The following SMG6 variants were observed in gnomAD, a reference collection of about 807,000 sequenced individuals.
The protein encoded by SMG6 is SMG6 nonsense mediated mRNA decay factor.
Under a neutral mutation model 142.2 loss-of-function variants are expected in SMG6, and 66 were observed. The ratio of observed to expected loss-of-function variants is 0.46; its 90% confidence interval spans 0.38 to 0.57. The LOEUF is 0.57. Ranked by LOEUF, SMG6 falls within the 20% of genes least tolerant of loss-of-function variation. SMG6 has a pLI of 0.00. For synonymous variants in SMG6, 779 were observed against 702.4 expected (o/e 1.11, Z -1.72); for missense variants, 1,793 against 1,832.0 (o/e 0.98, Z 0.39).
intron 13 of SMG6, among the ~76,000 whole-genome samples, chr17:2,105,406 C>T (rs1207137897): frequency 2.0e-5 from 3 of 152,006 alleles, no homozygotes; most frequent in South Asian, 2.1e-4. Flanking sequence ...ATTAGCCGGG[C>T]GTGGTGGCAG....
intron 8 of SMG6, among the ~76,000 whole-genome samples, chr17:2,272,132 G>A (rs1470382427): frequency 6.6e-6 from 1 of 152,210 alleles, no homozygotes; most frequent in Non-Finnish European, 1.5e-5. Flanking sequence ...GGCTCTGGCA[G>A]AAGGCTCAGC....
Position 2,297,364 on chromosome 17 carries a change from A to T in SMG6, c.2041-11T>A, listed in dbSNP as rs528816137. The T allele has an allele frequency of 1.3e-6, 2 of 1,582,550 alleles. No homozygotes were observed. The highest frequency in any genetic ancestry group is 2.3e-5 in the South Asian group (2 of 87,136). On this transcript the variant is annotated splice_polypyrimidine_tract_variant and intron_variant, in intron 3 of 18. Coordinates refer to ENST00000263073, the MANE Select transcript of SMG6 (RefSeq NM_017575.5). Reference sequence around the variant, plus strand: ...AAAGAAGTCACTACCCTATAAAAAGAAAAAAAGAAATGACTGAATCAATCT... The same window carrying T: ...AAAGAAGTCACTACCCTATAAAAAGTAAAAAAGAAATGACTGAATCAATCT...
intron 13 of SMG6, among the ~76,000 whole-genome samples, chr17:2,149,214 G>T (rs1382100558): frequency 1.3e-5 from 2 of 151,788 alleles, no homozygotes; most frequent in African/African-American, 4.8e-5. Flanking sequence ...GCCGGGCGTG[G>T]TGGCACATGC....
At chr17:2,223,216 G>A (rs1294061764) in intron 10 of SMG6, among the ~76,000 whole-genome samples, 1 of 152,220 alleles carries the variant, frequency 6.6e-6, no homozygotes, top group Non-Finnish European at 1.5e-5. Flanking sequence ...CCTTGCCTCA[G>A]AAGCCAAAGT....
At chr17:2,129,849 T>G (rs1262622045) in intron 13 of SMG6, among the ~76,000 whole-genome samples, 3 of 141,768 alleles carry the variant, frequency 2.1e-5, no homozygotes, top group Admixed American at 7.1e-5. Context: ...GATTTAATAA[T>G]GTAACTTTAG....
intron 4 of SMG6, among the ~76,000 whole-genome samples, chr17:2,294,215 T>C (rs1287662523): frequency 6.6e-6 from 1 of 152,174 alleles, no homozygotes; most frequent in Non-Finnish European, 1.5e-5. Context: ...AATGACTACA[T>C]ATCACATACC....
At chr17:2,278,916 G>A (rs1246008342) in intron 8 of SMG6, among the ~76,000 whole-genome samples, 1 of 151,944 alleles carries the variant, frequency 6.6e-6, no homozygotes, top group Admixed American at 6.6e-5. Flanking sequence ...CTCATCCCTC[G>A]CTGCCCTTCC....
intron 13 of SMG6, among the ~76,000 whole-genome samples, chr17:2,150,857 A>C (rs920853585): frequency 2.0e-5 from 3 of 152,064 alleles, no homozygotes; most frequent in African/African-American, 2.4e-5. Flanking sequence ...CCAACTCTCA[A>C]ACCCAGATCT....
chr17:2,292,451 G>C, intron 6 of SMG6, 101 bp downstream of exon 6: 2 of 1,149,996 alleles, frequency 1.7e-6, no homozygotes, highest in Non-Finnish European at 2.6e-6. Context: ...TTGGGCTACA[G>C]TGATGAGATG....
chr17:2,159,938 A>G (rs1465028062), intron 13 of SMG6, among the ~76,000 whole-genome samples: 1 of 152,230 alleles, frequency 6.6e-6, no homozygotes, highest in Non-Finnish European at 1.5e-5. Flanking sequence ...TTCCATGTAT[A>G]TGAAATTTTA....
chr17:2,206,056 G>A (rs946682425), intron 10 of SMG6, among the ~76,000 whole-genome samples: 13 of 152,156 alleles, frequency 8.5e-5, no homozygotes, highest in East Asian at 1.9e-4. Flanking sequence ...TGATCCACCC[G>A]CCTTGGCCTC....
intron 4 of SMG6, among the ~76,000 whole-genome samples, chr17:2,297,023 AAAAG>A (rs895832519): frequency 1.3e-4 from 20 of 151,804 alleles, no homozygotes; most frequent in Middle Eastern, 6.8e-3. Flanking sequence ...AAAAAAAAAA[AAAAG>A]AAAGAAAGAA....
rs903007543 is a variant in SMG6, at chr17:2,130,266, CAAAA to C, written c.3357+42388_3357+42391del. 2.8e-4 allele frequency among the ~76,000 whole-genome samples: 11 copies of C among 39,522 alleles called. 2 individuals are homozygous for C. Among genetic ancestry groups the C allele is most frequent in the Admixed American group, 1.4e-3 (4 of 2,856 alleles). The allele number at this position is 39,522 out of a possible 152,430, so 25.9% of individuals were successfully genotyped here. ...TGGGCGACAGAGCGAGACTCCGTCTCAAAAAAAAAAAAAAAAAAGAAACAGCATT... is the reference window on the plus strand; with the variant it reads ...TGGGCGACAGAGCGAGACTCCGTCTCAAAAAAAAAAAAAAGAAACAGCATT... On this transcript the variant is annotated intron_variant, in intron 13 of 18. Transcript: ENST00000263073.
intron 13 of SMG6, among the ~76,000 whole-genome samples, chr17:2,122,955 T>C (rs1426818283): frequency 6.6e-6 from 1 of 152,214 alleles, no homozygotes; most frequent in Non-Finnish European, 1.5e-5. Context: ...TCCTACCACA[T>C]GAGGGGTGGC....
chr17:2,226,972 AAACAC>A (rs2073338526), intron 10 of SMG6, among the ~76,000 whole-genome samples: 1 of 152,230 alleles, frequency 6.6e-6, no homozygotes, highest in African/African-American at 2.4e-5. Flanking sequence ...AGTGGCAAAT[AAACAC>A]ATGAAAAGTC....
At position 2,106,825 on chromosome 17, in the gene SMG6, A is replaced by ATT. The variant is rs71769762; in HGVS notation, c.3358-20926_3358-20925dup. Among the ~76,000 whole-genome samples the ATT allele has an allele frequency of 3.1e-3, 438 of 143,232 alleles. 5 individuals carry two copies. Among genetic ancestry groups the ATT allele is most frequent in the South Asian group, 8.1e-3 (36 of 4,442 alleles). The allele number at this position is 143,232 out of a possible 152,430, so 94.0% of individuals were successfully genotyped here. On this transcript the variant is annotated intron_variant, in intron 13 of 18. Coordinates refer to ENST00000263073, the MANE Select transcript of SMG6 (RefSeq NM_017575.5). ...TCTGGGATCTTCTCTCTAGGCAGGA[A>ATT]TTTTTTTTTTTTTTTTGAGACAGAG...
chr17:2,291,127 C>T (rs970101427), intron 6 of SMG6, among the ~76,000 whole-genome samples: 6 of 152,130 alleles, frequency 3.9e-5, no homozygotes, highest in South Asian at 2.1e-4. Context: ...GTCAGGAGGT[C>T]GAGACCATCC....
chr17:2,169,494 T>C (rs970798776), intron 13 of SMG6, among the ~76,000 whole-genome samples: 4 of 152,176 alleles, frequency 2.6e-5, no homozygotes, highest in African/African-American at 9.7e-5. Flanking sequence ...GATTATATGA[T>C]GTGGCCAGGG....
chr17:2,246,491 C>T (rs1017070178), intron 8 of SMG6, among the ~76,000 whole-genome samples: 1 of 152,210 alleles, frequency 6.6e-6, no homozygotes, highest in African/African-American at 2.4e-5. Flanking sequence ...CTCACTTAAC[C>T]AATGATCAAC....
Sources: allele counts gnomAD v4.1 joint callset (sites outside exome capture counted in the v4.1 genomes callset), GRCh38; gene constraint gnomAD v4.1.1; transcripts MANE v1.5; gene names NCBI Gene and HGNC (gene_info 2026-07-23, HGNC 2026-07-21).